Variants in KLF12 observed in about 807,000 individuals in gnomAD.
KLF12 encodes the protein KLF transcription factor 12, also known as Krueppel-like factor 12.
KLF12 carries 9 observed loss-of-function variants against 37.8 expected under a neutral mutation model. The observed-to-expected ratio is 0.24, with a 90% CI of 0.14 to 0.42. The LOEUF (loss-of-function observed/expected upper bound fraction) is 0.42. Ranked by LOEUF, KLF12 falls within the 10% of genes least tolerant of loss-of-function variation. The pLI is 1.00. For synonymous variants in KLF12, 208 were observed against 202.1 expected (o/e 1.03, Z -0.25); for missense variants, 411 against 516.0 (o/e 0.80, Z 1.97).
At chr13:73,954,594 G>T (rs1047772050) in intron 2 of KLF12, among the ~76,000 whole-genome samples, 5 of 152,218 alleles carry the variant, frequency 3.3e-5, no homozygotes, top group African/African-American at 1.2e-4. Flanking sequence ...GTAGCAGTTT[G>T]CATTGTCTAG....
intron 3 of KLF12, among the ~76,000 whole-genome samples, chr13:73,911,456 A>G (rs1888565870): frequency 6.6e-6 from 1 of 152,236 alleles, no homozygotes; most frequent in South Asian, 2.1e-4. Context: ...ATGCAGGATA[A>G]TCTTTGAAGA....
intron 6 of KLF12, among the ~76,000 whole-genome samples, chr13:73,730,783 T>C (rs935547946): frequency 6.6e-6 from 1 of 151,952 alleles, no homozygotes; most frequent in Non-Finnish European, 1.5e-5. Flanking sequence ...TAATACCAAA[T>C]TGTCTAACAA....
the KLF12 span, among the ~76,000 whole-genome samples, chr13:74,215,372 T>C: frequency 2.0e-5 from 3 of 151,698 alleles, no homozygotes; most frequent in Non-Finnish European, 4.4e-5. Flanking sequence ...ATTCCATATT[T>C]AGGATTTTTT....
At chr13:73,901,722 C>T (rs767752468) in intron 3 of KLF12, among the ~76,000 whole-genome samples, 3 of 152,164 alleles carry the variant, frequency 2.0e-5, no homozygotes, top group Non-Finnish European at 4.4e-5. Flanking sequence ...TCTCTATGTT[C>T]CTTCTCTCCA....
At chr13:74,298,649 G>A in the KLF12 span, among the ~76,000 whole-genome samples, 1 of 152,132 alleles carries the variant, frequency 6.6e-6, no homozygotes, top group African/African-American at 2.4e-5. Context: ...AAGTTATAGA[G>A]GCTGGAGAAG....
At chr13:74,161,100 G>A in the KLF12 span, among the ~76,000 whole-genome samples, 1 of 149,928 alleles carries the variant, frequency 6.7e-6, no homozygotes, top group Non-Finnish European at 1.5e-5. Flanking sequence ...ACAAGGGAGT[G>A]TTTGAATCCA....
At chr13:73,959,734 T>C (rs1292449391) in intron 2 of KLF12, among the ~76,000 whole-genome samples, 1 of 152,062 alleles carries the variant, frequency 6.6e-6, no homozygotes, top group Non-Finnish European at 1.5e-5. Context: ...AAAGAGACAT[T>C]TTAGGAACCT....
At chr13:74,290,293 C>A in the KLF12 span, among the ~76,000 whole-genome samples, 10 of 152,326 alleles carry the variant, frequency 6.6e-5, no homozygotes, top group African/African-American at 2.4e-4. Context: ...TGCTTGAACT[C>A]AGCCACAGAT....
intron 1 of KLF12, among the ~76,000 whole-genome samples, chr13:74,072,706 C>G (rs1001822503): frequency 6.6e-6 from 1 of 151,974 alleles, no homozygotes; most frequent in African/African-American, 2.4e-5. Flanking sequence ...AGAGCAAGAC[C>G]CCATTTCTGT....
chr13:74,096,141 C>G (rs1875973634), intron 1 of KLF12, among the ~76,000 whole-genome samples: 1 of 152,192 alleles, frequency 6.6e-6, no homozygotes, highest in African/African-American at 2.4e-5. Context: ...TCCTCTTTCC[C>G]TTTTAGTTAG....
intron 1 of KLF12, among the ~76,000 whole-genome samples, chr13:74,087,273 C>T (rs935029311): frequency 6.6e-6 from 1 of 151,990 alleles, no homozygotes; most frequent in Non-Finnish European, 1.5e-5. Flanking sequence ...TGTGACCGAA[C>T]GTCGACACAG....
the KLF12 span, among the ~76,000 whole-genome samples, chr13:74,174,790 C>T: frequency 1.3e-5 from 2 of 152,320 alleles, no homozygotes; most frequent in South Asian, 4.1e-4. Flanking sequence ...TTCAGCATCT[C>T]ACTTCTGGTT....
chr13:73,990,146 C>A (rs1891928884), intron 2 of KLF12, among the ~76,000 whole-genome samples: 1 of 151,958 alleles, frequency 6.6e-6, no homozygotes. Flanking sequence ...AAGATGAAGG[C>A]CACAGATATG....
At chr13:73,803,073 T>C (rs183280930) in intron 5 of KLF12, among the ~76,000 whole-genome samples, 259 of 152,242 alleles carry the variant, frequency 1.7e-3, no homozygotes, top group Middle Eastern at 3.4e-3. Context: ...GCATGGTTTT[T>C]TGTTTGTTTG....
At chr13:73,870,728 C>T (rs1886423178) in intron 3 of KLF12, among the ~76,000 whole-genome samples, 1 of 152,228 alleles carries the variant, frequency 6.6e-6, no homozygotes, top group African/African-American at 2.4e-5. Context: ...GGGATAATCA[C>T]TGAGAACAAA....
At chr13:73,735,353 G>A (rs1877374603) in intron 6 of KLF12, among the ~76,000 whole-genome samples, 3 of 152,250 alleles carry the variant, frequency 2.0e-5, no homozygotes, top group South Asian at 4.1e-4. Context: ...TTATCTACAT[G>A]TAATTTAAAA....
intron 2 of KLF12, among the ~76,000 whole-genome samples, chr13:73,952,964 G>A (rs913053957): frequency 6.6e-6 from 1 of 152,228 alleles, no homozygotes; most frequent in African/African-American, 2.4e-5. Context: ...AGACAGTTCA[G>A]AGCTGTACAG....
intron 1 of KLF12, among the ~76,000 whole-genome samples, chr13:74,133,217 C>T (rs1203522455): frequency 1.3e-5 from 2 of 152,126 alleles, no homozygotes; most frequent in Non-Finnish European, 2.9e-5. Flanking sequence ...AACCCCTTCC[C>T]CTCCACTCTC....
At chr13:74,055,384 C>T (rs1449723075) in intron 1 of KLF12, among the ~76,000 whole-genome samples, 1 of 152,128 alleles carries the variant, frequency 6.6e-6, no homozygotes, top group Non-Finnish European at 1.5e-5. Context: ...CAAATCAATA[C>T]AAAGCATTTA....
Sources: gnomAD v4.1 joint callset for allele counts (sites outside exome capture counted in the v4.1 genomes callset) on GRCh38, gnomAD v4.1.1 for gene constraint, MANE v1.5 for transcripts, NCBI Gene and HGNC (gene_info 2026-07-23, HGNC 2026-07-21) for gene names.